Variants in ITPR2 observed in about 807,000 individuals in gnomAD.
ITPR2 encodes the protein inositol 1,4,5-trisphosphate-gated calcium channel ITPR2.
Under a neutral mutation model 317.1 loss-of-function variants are expected in ITPR2, and 207 were observed. That is an observed-to-expected ratio of 0.65 (90% confidence interval 0.58 to 0.73). ITPR2 has a LOEUF of 0.73. ITPR2 is among the 30% of genes least tolerant of loss of function. The pLI is 0.00. For missense variants in ITPR2, 2,613 were observed against 3,284.0 expected (o/e 0.80, Z 4.99); for synonymous variants, 1,156 against 1,149.1 (o/e 1.01, Z -0.12).
At chr12:26,534,465 T>G (rs1944029615) in intron 37 of ITPR2, among the ~76,000 whole-genome samples, 1 of 152,138 alleles carries the variant, frequency 6.6e-6, no homozygotes, top group African/African-American at 2.4e-5. Flanking sequence ...AATATAAATT[T>G]CACATGATCT....
At position 26,426,724 on chromosome 12, in the gene ITPR2, T is replaced by C. The variant is rs533108501; in HGVS notation, c.6945+1189A>G. On this transcript the variant is annotated intron_variant, in intron 49 of 56. Coordinates refer to ENST00000381340, the MANE Select transcript of ITPR2 (RefSeq NM_002223.4). ...TAATTTTCGAAGAATTGTAATAAAA[T>C]AGAGGTCAGAAACACAGAAATACAG... Among the ~76,000 whole-genome samples, 103 of 152,134 alleles carry C rather than the reference T, an allele frequency of 6.8e-4. 1 individual carries two copies. The highest frequency in any genetic ancestry group is 3.4e-3 in the Middle Eastern group (1 of 294).
At chr12:26,552,306 A>G (rs1944545559) in intron 36 of ITPR2, among the ~76,000 whole-genome samples, 2 of 152,120 alleles carry the variant, frequency 1.3e-5, no homozygotes, top group African/African-American at 4.8e-5. Context: ...CTCCCACCTC[A>G]GCCTCCTGAG....
intron 2 of ITPR2, among the ~76,000 whole-genome samples, chr12:26,783,296 C>T (rs1267411431): frequency 6.6e-6 from 1 of 152,164 alleles, no homozygotes; most frequent in Non-Finnish European, 1.5e-5. Context: ...AGTCAAGTGA[C>T]AAATGTTCAG....
chr12:26,710,931 G>A (rs7296932), intron 9 of ITPR2, among the ~76,000 whole-genome samples: 28,778 of 152,064 alleles, frequency 0.19, 3,723 homozygotes, highest in African/African-American at 0.36. Context: ...CATTCCAGTT[G>A]GCCTTCCAGT....
chr12:26,722,785 A>G (rs1030279066), intron 4 of ITPR2, among the ~76,000 whole-genome samples: 6 of 150,898 alleles, frequency 4.0e-5, no homozygotes, highest in East Asian at 1.9e-4. Flanking sequence ...CATAATAGGG[A>G]AAAAAAAACA....
At chr12:26,792,668 A>G (rs1231103854) in intron 1 of ITPR2, among the ~76,000 whole-genome samples, 15 of 152,124 alleles carry the variant, frequency 9.9e-5, no homozygotes, top group Admixed American at 9.2e-4. Context: ...CATCTACTAG[A>G]ATGAGGTGCA....
At chr12:26,785,675 G>A (rs1302081865) in intron 2 of ITPR2, among the ~76,000 whole-genome samples, 5 of 31,602 alleles carry the variant, frequency 1.6e-4, no homozygotes, top group Non-Finnish European at 3.7e-4. Flanking sequence ...CCCCCCGCCC[G>A]GCCAGCCGCC....
chr12:26,556,475 A>C, intron 35 of ITPR2, 100 bp from the exon 36 acceptor site: 1 of 1,082,970 alleles, frequency 9.2e-7, no homozygotes, highest in African/African-American at 1.6e-5. Flanking sequence ...AATTTTATAG[A>C]TGCCCCTCTA....
At chr12:26,806,276 G>A (rs930810714) in intron 1 of ITPR2, among the ~76,000 whole-genome samples, 5 of 151,750 alleles carry the variant, frequency 3.3e-5, no homozygotes, top group Admixed American at 3.3e-4. Context: ...TGCCTGGCAC[G>A]GAGTAAACAC....
intron 9 of ITPR2, among the ~76,000 whole-genome samples, chr12:26,702,355 A>G (rs1565704004): frequency 8.8e-6 from 1 of 113,396 alleles, no homozygotes; most frequent in Non-Finnish European, 1.7e-5. Context: ...CATTTTATCC[A>G]TAGGTTTCTA....
At chr12:26,622,009 G>C (rs977780360) in intron 25 of ITPR2, among the ~76,000 whole-genome samples, 1 of 152,118 alleles carries the variant, frequency 6.6e-6, no homozygotes, top group Admixed American at 6.5e-5. Context: ...CCCAAATCTT[G>C]GTGCCTTTCA....
intron 39 of ITPR2, among the ~76,000 whole-genome samples, chr12:26,491,689 A>G (rs1942810582): frequency 6.6e-6 from 1 of 152,132 alleles, no homozygotes. Context: ...AGGGGGCAGA[A>G]TCACAGAAGT....
chr12:26,373,415 C>T (rs1939245239), intron 55 of ITPR2, among the ~76,000 whole-genome samples: 1 of 152,150 alleles, frequency 6.6e-6, no homozygotes, highest in African/African-American at 2.4e-5. Context: ...CAAAAGAAAT[C>T]CCTGAGTAAT....
chr12:26,564,462 A>C (rs1044789674), intron 34 of ITPR2, among the ~76,000 whole-genome samples: 11 of 152,314 alleles, frequency 7.2e-5, no homozygotes, highest in African/African-American at 2.6e-4. Flanking sequence ...TTTGGGTTGA[A>C]CTGCATCCCC....
Position 26,639,829 on chromosome 12 carries a change from C to T in ITPR2, c.2741-7770G>A, listed in dbSNP as rs553705719. On this transcript the variant is annotated intron_variant, in intron 21 of 56. Transcript: ENST00000381340. ...CATTTTTTATGGCTGCATAGTATTC[C>T]ATGGTGTATATGTGCCACATTTTCT... 1.5e-3 allele frequency among the ~76,000 whole-genome samples: 228 copies of T among 152,098 alleles called. 3 individuals are homozygous for T. The highest frequency in any genetic ancestry group is 5.6e-3 in the South Asian group (27 of 4,808).
chr12:26,660,268 TA>T (rs1947467630), intron 15 of ITPR2, among the ~76,000 whole-genome samples: 1 of 152,222 alleles, frequency 6.6e-6, no homozygotes, highest in South Asian at 2.1e-4. Flanking sequence ...GAGATTGTGC[TA>T]AAAGTAAGAG....
intron 37 of ITPR2, among the ~76,000 whole-genome samples, chr12:26,528,777 GCTAA>G (rs894082264): frequency 2.6e-5 from 4 of 152,168 alleles, no homozygotes; most frequent in African/African-American, 7.2e-5. Flanking sequence ...TAATTCCATG[GCTAA>G]CTAATTCAGT....
chr12:26,559,954 C>T (rs1944767874), intron 35 of ITPR2, among the ~76,000 whole-genome samples: 1 of 152,288 alleles, frequency 6.6e-6, no homozygotes, highest in East Asian at 1.9e-4. Context: ...TTTTACATTG[C>T]AGTTTTAATT....
chr12:26,558,960 A>C (rs1320504733), intron 35 of ITPR2, among the ~76,000 whole-genome samples: 3 of 152,178 alleles, frequency 2.0e-5, no homozygotes, highest in Non-Finnish European at 1.5e-5. Flanking sequence ...TCATATCAAA[A>C]CCAGAGTCAT....
Sources: allele counts gnomAD v4.1 joint callset (sites outside exome capture counted in the v4.1 genomes callset), GRCh38; gene constraint gnomAD v4.1.1; transcripts MANE v1.5; gene names NCBI Gene and HGNC (gene_info 2026-07-23, HGNC 2026-07-21).